BMPR2: variants seen among roughly 807,000 people sequenced by gnomAD.
BMPR2 encodes the protein bone morphogenetic protein receptor type 2, also known as bone morphogenetic protein receptor type-2.
In BMPR2, 29 loss-of-function variants were observed where a neutral mutation model predicts 100.8. The observed-to-expected ratio is 0.29, with a 90% CI of 0.21 to 0.39. The LOEUF is 0.39. Ranked by LOEUF, BMPR2 falls within the 10% of genes least tolerant of loss-of-function variation. The pLI is 1.00. For missense variants in BMPR2, 1,011 were observed against 1,274.5 expected, an observed-to-expected ratio of 0.79 and a Z score of 3.15; for synonymous variants, 382 against 442.3, an observed-to-expected ratio of 0.86 and a Z score of 1.71.
At chr2:202,380,628 CT>C (rs34657186) in intron 1 of BMPR2, among the ~76,000 whole-genome samples, 21,873 of 135,868 alleles carry the variant, frequency 0.16, 1,479 homozygotes, top group African/African-American at 0.23. Context: ...GGATTTCTTT[CT>C]TTTTTTTTTT....
At position 202,526,166 on chromosome 2, in the gene BMPR2, T is replaced by G. The variant is rs544565743; in HGVS notation, c.968-4628T>G. Among the ~76,000 whole-genome samples the G allele has an allele frequency of 1.6e-4, 24 of 152,166 alleles. No individual in the cohort carries two copies. In the South Asian group the frequency reaches 2.9e-3, roughly 18 times the overall value. ...CAGGTGTGAGCCACAGCACCCAGCC[T>G]GGAGCATCTCTTTAATACGTTTGCT... On this transcript the variant is annotated intron_variant, in intron 7 of 12. Coordinates refer to ENST00000374580, the MANE Select transcript of BMPR2 (RefSeq NM_001204.7).
chr2:202,546,037 C>G (rs950337011), intron 10 of BMPR2, among the ~76,000 whole-genome samples: 7 of 152,168 alleles, frequency 4.6e-5, no homozygotes, highest in African/African-American at 1.7e-4. Context: ...CTCGGCAACC[C>G]TATTATTATG....
Position 202,501,705 on chromosome 2 carries a change from T to A in BMPR2, c.419-12014T>A, listed in dbSNP as rs1687398356. 1.3e-5 allele frequency among the ~76,000 whole-genome samples: 2 copies of A among 152,220 alleles called. 1 individual carries two copies. The highest frequency in any genetic ancestry group is 4.1e-4 in the South Asian group (2 of 4,828). ...TGGATTACTCATGATGTAAATGGCA[T>A]ACTAGGTGCCAAAGGAAGTTTATGG... On this transcript the variant is annotated intron_variant, in intron 3 of 12. Transcript: ENST00000374580.
At chr2:202,423,298 G>A (rs1449671740) in intron 1 of BMPR2, among the ~76,000 whole-genome samples, 2 of 152,370 alleles carry the variant, frequency 1.3e-5, no homozygotes, top group East Asian at 3.9e-4. Context: ...GGGGCCAGAA[G>A]TTGGCAGTTT....
chr2:202,453,448 G>A (rs1574457302), intron 1 of BMPR2, among the ~76,000 whole-genome samples: 1 of 151,976 alleles, frequency 6.6e-6, no homozygotes, highest in Non-Finnish European at 1.5e-5. Context: ...AGAAAATGTG[G>A]TACATATACA....
intron 9 of BMPR2, among the ~76,000 whole-genome samples, chr2:202,535,209 G>C (rs1030142634): frequency 1.3e-5 from 2 of 151,528 alleles, no homozygotes; most frequent in Admixed American, 6.6e-5. Flanking sequence ...CCTCCCGGAC[G>C]GGGTGGCTGC....
intron 12 of BMPR2, 33 bp from the exon 13 acceptor site, chr2:202,559,663 A>T: frequency 6.2e-7 from 1 of 1,610,904 alleles, no homozygotes; most frequent in Non-Finnish European, 8.5e-7. Context: ...TAAGTTTGTT[A>T]AATAGCTCAT....
At position 202,542,132 on chromosome 2, in the gene BMPR2, A is replaced by C. The variant is rs77090459; in HGVS notation, c.1277-179A>C. Among the ~76,000 whole-genome samples, 14,901 of 152,046 alleles carry C rather than the reference A, an allele frequency of 0.098. 974 individuals are homozygous for C. The highest frequency in any genetic ancestry group is 0.25 in the South Asian group (1,183 of 4,810). On this transcript the variant is annotated intron_variant, in intron 9 of 12. Coordinates refer to ENST00000374580, the MANE Select transcript of BMPR2 (RefSeq NM_001204.7). Reference sequence around the variant, plus strand: ...TCTAAAAAAAAAAAAAGAAAAAAAAATCATTAAACCTACAGCAAGGTCTCT... The same window carrying C: ...TCTAAAAAAAAAAAAAGAAAAAAAACTCATTAAACCTACAGCAAGGTCTCT...
At chr2:202,429,971 G>A (rs1488052187) in intron 1 of BMPR2, among the ~76,000 whole-genome samples, 1 of 152,162 alleles carries the variant, frequency 6.6e-6, no homozygotes, top group Non-Finnish European at 1.5e-5. Flanking sequence ...ATCCATATCA[G>A]GTTGCAGTAA....
At chr2:202,496,381 G>A (rs1449341856) in intron 3 of BMPR2, among the ~76,000 whole-genome samples, 1 of 152,096 alleles carries the variant, frequency 6.6e-6, no homozygotes, top group African/African-American at 2.4e-5. Context: ...GGAGGCTGAG[G>A]TGATAGGATC....
rs1193492943 is a variant in BMPR2, at chr2:202,555,929, C to A, written c.2264C>A (p.Pro755His). 1.2e-6 allele frequency: 2 copies of A among 1,614,042 alleles called. No individual in the cohort carries two copies. The highest frequency in any genetic ancestry group is 1.7e-6 in the Non-Finnish European group (2 of 1,180,050). The change falls in exon 12 of 13, where the codon CCT becomes CAT. Residue 755 changes from proline to histidine, a missense_variant. Pro to His is a moderately conservative substitution (Grantham distance 77, BLOSUM62 -2). This residue lies in a region of BMPR2 where 508 missense variants were observed against 552.0 expected (regional missense o/e 0.92). Transcript: ENST00000374580. ...AAGCAGCAGAACCTTCCCAAGAGACCTACTAGTTTGCCTTTGAACACCAAA... is the reference window on the plus strand; with the variant it reads ...AAGCAGCAGAACCTTCCCAAGAGACATACTAGTTTGCCTTTGAACACCAAA... ...LPKQQNLPKR[P>H]TSLPLNTKNS...
chr2:202,406,959 G>A (rs1690904844), intron 1 of BMPR2, among the ~76,000 whole-genome samples: 1 of 150,824 alleles, frequency 6.6e-6, no homozygotes, highest in African/African-American at 2.4e-5. Flanking sequence ...TTTTTTTTGA[G>A]ACAGAGTTTC....
rs375624016 is a variant in BMPR2 at position 202,376,511 on chromosome 2, AGGCGGCGGCGGCGGC to A, written c.-942_-928del. On this transcript the variant is annotated 5_prime_UTR_variant, in exon 1 of 13. Coordinates refer to ENST00000374580, the MANE Select transcript of BMPR2 (RefSeq NM_001204.7). ...AGGAGCCCAGAGCTGCGGGAGAACG[AGGCGGCGGCGGCGGC>A]GGCGGCGGCGGCGGCGGCGGCAGCA... Among the ~76,000 whole-genome samples the A allele has an allele frequency of 9.5e-5, 12 of 125,868 alleles. No individual in the cohort carries two copies. The highest frequency in any genetic ancestry group is 7.2e-4 in the East Asian group (3 of 4,174). 82.6% of individuals were successfully genotyped at this position (125,868 alleles called of 152,430 possible). A position where few individuals can be genotyped will look rare whatever the true frequency, so the allele number is the denominator to read the frequency against.
rs115551333 is a variant in BMPR2 at position 202,512,516 on chromosome 2, T to G, written c.419-1203T>G. Among the ~76,000 whole-genome samples the G allele has an allele frequency of 7.8e-3, 1,191 of 152,316 alleles. 8 individuals are homozygous for G. Among genetic ancestry groups the G allele is most frequent in the African/African-American group, 0.027 (1,127 of 41,578 alleles). ...TGATGTGAAGACAGCTATCATATCC[T>G]CCCAAGTTTTCTTTTTTTTCCTCAT... On this transcript the variant is annotated intron_variant, in intron 3 of 12. Transcript: ENST00000374580.
In BMPR2 at chr2:202,449,951, C is replaced by CA. The variant is rs376106453; in HGVS notation, c.77-14848dup. ...TGAATCCCCATCTCTACTAAAAATA[C>CA]AAAAAAAAAATAGCCAGGCTTGATG... On this transcript the variant is annotated intron_variant, in intron 1 of 12. Coordinates refer to ENST00000374580, the MANE Select transcript of BMPR2 (RefSeq NM_001204.7). 2.0e-3 allele frequency among the ~76,000 whole-genome samples: 301 copies of CA among 147,276 alleles called. 2 individuals are homozygous for CA. Among genetic ancestry groups the CA allele is most frequent in the East Asian group, 8.5e-3 (43 of 5,032 alleles).
chr2:202,513,123 CCTGA>C (rs1229769601), intron 3 of BMPR2, among the ~76,000 whole-genome samples: 3 of 151,860 alleles, frequency 2.0e-5, no homozygotes, highest in Non-Finnish European at 4.4e-5. Flanking sequence ...TGCCACCATG[CCTGA>C]CTAATTTTTT....
intron 3 of BMPR2, among the ~76,000 whole-genome samples, chr2:202,482,966 C>T (rs199624875): frequency 1.3e-5 from 2 of 152,088 alleles, no homozygotes; most frequent in Admixed American, 6.6e-5. Flanking sequence ...TGAACCACTA[C>T]GCCTGGCCTA....
intron 1 of BMPR2, among the ~76,000 whole-genome samples, chr2:202,459,009 A>C (rs188084190): frequency 6.6e-5 from 10 of 152,326 alleles, no homozygotes; most frequent in Non-Finnish European, 2.9e-5. Context: ...CTGCTGCCAA[A>C]TATAAAGTTG....
intron 3 of BMPR2, among the ~76,000 whole-genome samples, chr2:202,473,574 T>A (rs55766198): frequency 0.073 from 11,131 of 151,622 alleles, 527 homozygotes; most frequent in Middle Eastern, 0.11. Context: ...GCGGCTCACT[T>A]GAGGTCAGGA....
Sources: allele counts gnomAD v4.1 joint callset (sites outside exome capture counted in the v4.1 genomes callset), GRCh38; gene constraint gnomAD v4.1.1; regional missense constraint gnomAD v4.1.1; transcripts MANE v1.5; gene names NCBI Gene and HGNC (gene_info 2026-07-23, HGNC 2026-07-21).